PPEF2: variants seen among roughly 807,000 people sequenced by gnomAD.
PPEF2 encodes the protein protein phosphatase with EF-hand domain 2.
PPEF2 carries 84 observed loss-of-function variants against 84.7 expected under a neutral mutation model. The observed-to-expected ratio is 0.99, with a 90% CI of 0.83 to 1.19. The LOEUF is 1.19. Ranked by LOEUF, PPEF2 falls within the 50% of genes most tolerant of loss-of-function variation. The pLI is 0.00. For synonymous variants in PPEF2, 346 were observed against 345.2 expected (o/e 1.00, Z -0.03); for missense variants, 924 against 937.5 (o/e 0.99, Z 0.19).
At chr4:75,866,662 G>T in intron 14 of PPEF2, 1 of 370,290 alleles carries the variant, frequency 2.7e-6, no homozygotes, top group East Asian at 6.5e-5. Context: ...TTACATTTTT[G>T]TTTACTAAAT....
At chr4:75,891,410 C>G (rs1415677090) in intron 4 of PPEF2, among the ~76,000 whole-genome samples, 2 of 152,144 alleles carry the variant, frequency 1.3e-5, no homozygotes, top group African/African-American at 4.8e-5. Context: ...CCACTCCCTC[C>G]CACCCCCAGG....
intron 13 of PPEF2, among the ~76,000 whole-genome samples, chr4:75,871,746 C>T (rs6816009): frequency 0.99 from 151,036 of 152,324 alleles, 74,893 homozygotes; most frequent in Middle Eastern, 1. Context: ...GCTGGGATTA[C>T]AGGCATGAGC....
chr4:75,897,557 T>A (rs562187403), intron 1 of PPEF2, among the ~76,000 whole-genome samples: 4 of 152,138 alleles, frequency 2.6e-5, no homozygotes, highest in African/African-American at 9.6e-5. Context: ...GAGGCCAAGG[T>A]GGGCTGATCA....
intron 4 of PPEF2, 80 bp downstream of exon 4, chr4:75,891,568 C>T (rs1032684243): frequency 6.9e-7 from 1 of 1,458,662 alleles, no homozygotes; most frequent in African/African-American, 1.4e-5. Context: ...CACGGTTTCA[C>T]TCCCTGTGCA....
At chr4:75,871,619 C>T (rs904623310) in intron 13 of PPEF2, among the ~76,000 whole-genome samples, 6 of 152,048 alleles carry the variant, frequency 3.9e-5, no homozygotes, top group South Asian at 2.1e-4. Flanking sequence ...TACAAGAGTA[C>T]GCCACCACAT....
chr4:75,861,039 A>G (rs1723987916), intron 16 of PPEF2, 119 bp from the exon 17 acceptor site: 2 of 1,208,246 alleles, frequency 1.7e-6, no homozygotes, highest in Admixed American at 4.4e-5. Flanking sequence ...CACAAATCCT[A>G]GTATCTAATT....
chr4:75,876,157 G>C, intron 11 of PPEF2, 130 bp downstream of exon 11: 1 of 1,115,838 alleles, frequency 9.0e-7, no homozygotes, highest in Non-Finnish European at 1.2e-6. Context: ...AAATACTAGT[G>C]TCCTTCTGGG....
At chr4:75,902,185 C>G (rs187875064) in intron 1 of PPEF2, 45 bp downstream of exon 1, 1 of 152,344 alleles carries the variant, frequency 6.6e-6, no homozygotes, top group East Asian at 1.9e-4. Context: ...TGTCGCCCTC[C>G]TGTTCTCACC....
At chr4:75,876,135 G>A (rs969462584) in intron 11 of PPEF2, 152 bp downstream of exon 11, 8 of 957,126 alleles carry the variant, frequency 8.4e-6, no homozygotes, top group Non-Finnish European at 1.2e-5. Context: ...TAAAACATAT[G>A]AGTCATTAGG....
At position 75,896,262 on chromosome 4, in the gene PPEF2, A is replaced by T; in HGVS notation, c.55+9T>A. Reference sequence around the variant, plus strand: ...CCCACAGCTGGTTTGGAAAGTGGGAAACACGTACCTCTCTCTGCATTCTGG... The same window carrying T: ...CCCACAGCTGGTTTGGAAAGTGGGATACACGTACCTCTCTCTGCATTCTGG... On this transcript the variant is annotated intron_variant, in intron 2 of 16. Transcript: ENST00000286719. 6.2e-7 allele frequency: 1 copy of T among 1,613,798 alleles called. No individual in the cohort carries two copies. Among genetic ancestry groups the T allele is most frequent in the Non-Finnish European group, 8.5e-7 (1 of 1,179,676 alleles).
Position 75,873,063 on chromosome 4 carries a change from G to A in PPEF2, c.1506+64C>T, listed in dbSNP as rs147859181. ...AAACTGAGAGCCTTTGCTCATCCAGGCCTGAGCCCTTCGGACTACTTTGGT... is the reference window on the plus strand; with the variant it reads ...AAACTGAGAGCCTTTGCTCATCCAGACCTGAGCCCTTCGGACTACTTTGGT... On this transcript the variant is annotated intron_variant, in intron 12 of 16. Transcript: ENST00000286719. 9.8e-4 allele frequency: 1,447 copies of A among 1,471,332 alleles called. 15 individuals carry two copies. In the African/African-American group the frequency reaches 0.018, roughly 18 times the overall value. 91.1% of individuals were successfully genotyped at this position (1,471,332 alleles called of 1,614,324 possible).
chr4:75,884,104 T>C lies in PPEF2; in HGVS notation c.746+490A>G, dbSNP rs527549895. On this transcript the variant is annotated intron_variant, in intron 8 of 16. Transcript: ENST00000286719. ...GCCAAGATTGTGCCATTGCACAGCC[T>C]GGGCAACAAGAGTGAAACTCCATCT... Among the ~76,000 whole-genome samples, 5 of 151,930 alleles carry C rather than the reference T, an allele frequency of 3.3e-5. No individual in the cohort carries two copies. In the East Asian group the frequency reaches 7.8e-4, roughly 24 times the overall value.
chr4:75,887,567 G>T (rs1243545055), intron 6 of PPEF2, among the ~76,000 whole-genome samples: 5 of 150,844 alleles, frequency 3.3e-5, no homozygotes, highest in African/African-American at 9.8e-5. Context: ...CTTGCAGTGA[G>T]CCGAGATTGC....
At chr4:75,874,722 T>C (rs1250590473) in intron 11 of PPEF2, among the ~76,000 whole-genome samples, 2 of 152,228 alleles carry the variant, frequency 1.3e-5, no homozygotes, top group Non-Finnish European at 2.9e-5. Context: ...ATTTCAATTC[T>C]AAATTGGTGT....
chr4:75,860,689 C>T lies in PPEF2; in HGVS notation c.2240G>A (p.Cys747Tyr), dbSNP rs756547632. 1.9e-6 allele frequency: 3 copies of T among 1,614,194 alleles called. No homozygotes were observed. Among genetic ancestry groups the T allele is most frequent in the African/African-American group, 2.7e-5 (2 of 75,076 alleles). Reference sequence around the variant, plus strand: ...TTCTTAGTGTGCACCTGGACTGCTGCAGCCACTGTCTTTAGCATTTGTAGC... The same window carrying T: ...TTCTTAGTGTGCACCTGGACTGCTGTAGCCACTGTCTTTAGCATTTGTAGC... The part of the protein sequence containing the change: ...PQATNAKDSG[C>Y]SSPGAH The change falls in exon 17 of 17, where the codon TGC (cysteine) becomes TAC (tyrosine). Residue 747 changes from cysteine to tyrosine, a missense_variant. Coordinates refer to ENST00000286719, the MANE Select transcript of PPEF2 (RefSeq NM_006239.3).
chr4:75,861,861 G>A (rs1230428689), intron 16 of PPEF2, among the ~76,000 whole-genome samples: 3 of 148,286 alleles, frequency 2.0e-5, no homozygotes, highest in African/African-American at 4.9e-5. Flanking sequence ...CACCTACCTC[G>A]GCCTCCCAAA....
rs1724408123 is a variant in PPEF2, at chr4:75,876,333, G to A, written c.1274C>T (p.Ser425Phe). Residue 425 changes from serine (S) to phenylalanine (F), a missense_variant, in exon 11 of 17, where the codon TCT becomes TTT. Physicochemically the swap from Ser to Phe is radical, Grantham distance 155. Transcript: ENST00000286719. ...GGGCTTCCGCAGCTCTCCGGCTTCA[G>A]AGTCTGCTTCTGAGGCTGAGCGGGA... Reference protein sequence around the residue: ...EPSRSASEADSEAGELRKPTQ... With the variant: ...EPSRSASEADFEAGELRKPTQ... 6.2e-7 allele frequency: 1 copy of A among 1,613,460 alleles called. No homozygotes were observed. Among genetic ancestry groups the A allele is most frequent in the African/African-American group, 1.3e-5 (1 of 74,946 alleles).
intron 12 of PPEF2, 49 bp from the exon 13 acceptor site, chr4:75,872,216 C>A: frequency 2.5e-6 from 4 of 1,576,502 alleles, no homozygotes; most frequent in Non-Finnish European, 3.5e-6. Context: ...CTGAAGAAAC[C>A]TTCACCCTCA....
At chr4:75,887,514 G>A (rs1188796306) in intron 6 of PPEF2, among the ~76,000 whole-genome samples, 2 of 151,830 alleles carry the variant, frequency 1.3e-5, no homozygotes, top group Non-Finnish European at 2.9e-5. Flanking sequence ...CCAGCTACTC[G>A]GGAGGCTGAG....
Sources: gnomAD v4.1 joint callset for allele counts (sites outside exome capture counted in the v4.1 genomes callset) on GRCh38, gnomAD v4.1.1 for gene constraint, MANE v1.5 for transcripts, NCBI Gene and HGNC (gene_info 2026-07-23, HGNC 2026-07-21) for gene names.